The following PON3 variants were observed in gnomAD, a reference collection of about 807,000 sequenced individuals.
PON3 encodes the protein serum paraoxonase/lactonase 3.
In PON3, 37 loss-of-function variants were observed where a neutral mutation model predicts 36.3. The ratio of observed to expected loss-of-function variants is 1.02; its 90% CI spans 0.78 to 1.34. The LOEUF (loss-of-function observed/expected upper bound fraction) is 1.34, where lower values mean the gene tolerates loss of function less well. Among genes scored for constraint, PON3 ranks in the 40% most tolerant of loss-of-function variants. The probability of loss-of-function intolerance (pLI) is 0.00; values close to 1 mark genes in which losing one functional copy is unlikely to be tolerated. For missense variants in PON3, 415 were observed against 426.5 expected (o/e 0.97, Z 0.24); for synonymous variants, 155 against 154.8 (o/e 1.00, Z -0.01).
intron 2 of PON3, 114 bp downstream of exon 2, chr7:95,394,530 C>T: frequency 3.4e-6 from 3 of 874,074 alleles, no homozygotes; most frequent in Non-Finnish European, 5.7e-6. Context: ...GGGCAGATGT[C>T]CCACTGGGAG....
At position 95,387,424 on chromosome 7, in the gene PON3, G is replaced by A. The variant is rs186172465; in HGVS notation, c.201+2730C>T. On this transcript the variant is annotated intron_variant, in intron 3 of 8. Transcript: ENST00000265627. ...AAATACCTGGGAATCCAACTTACAA[G>A]GGATGTGAACGACCTCTTCAAGAAG... Among the ~76,000 whole-genome samples, 446 of 152,224 alleles carry A rather than the reference G, an allele frequency of 2.9e-3. 1 individual carries two copies. Among genetic ancestry groups the A allele is most frequent in the Non-Finnish European group, 4.2e-3 (289 of 68,016 alleles).
chr7:95,369,605 T>C (rs779632847), intron 4 of PON3, among the ~76,000 whole-genome samples: 2 of 152,086 alleles, frequency 1.3e-5, no homozygotes, highest in Non-Finnish European at 2.9e-5. Context: ...TGAAACCCTG[T>C]CTCTACTAAA....
At chr7:95,372,058 T>C in intron 4 of PON3, 115 bp downstream of exon 4, 1 of 1,247,758 alleles carries the variant, frequency 8.0e-7, no homozygotes, top group Non-Finnish European at 1.2e-6. Flanking sequence ...AAAAAACACA[T>C]CTGTATGGTA....
chr7:95,382,649 C>A (rs1809088135), intron 3 of PON3, among the ~76,000 whole-genome samples: 2 of 152,140 alleles, frequency 1.3e-5, no homozygotes, highest in African/African-American at 4.8e-5. Context: ...CAAGACTAAA[C>A]CAGGAAGAAC....
chr7:95,368,108 T>C (rs1445092197), intron 4 of PON3, among the ~76,000 whole-genome samples: 2 of 152,158 alleles, frequency 1.3e-5, no homozygotes, highest in African/African-American at 2.4e-5. Flanking sequence ...CACCTACCCA[T>C]TTCAATTGGA....
rs17883276 is a variant in PON3 at position 95,364,486 on chromosome 7, T to C, written c.495-423A>G. The C allele has an allele frequency of 2.0e-3, 525 of 259,696 alleles. 6 individuals are homozygous for C. Among genetic ancestry groups the C allele is most frequent in the African/African-American group, 0.011 (500 of 44,464 alleles). The allele number at this position is 259,696 out of a possible 1,614,324, so 16.1% of individuals were successfully genotyped here. A position where few individuals can be genotyped will look rare whatever the true frequency, so the allele number is the denominator to read the frequency against. ...ACTTGCTTTGGCCAATGAAATGAAA[T>C]GAAATGAGGTGAGTGGCTTGTGGAT... On this transcript the variant is annotated intron_variant, in intron 5 of 8. Coordinates refer to ENST00000265627, the MANE Select transcript of PON3 (RefSeq NM_000940.3).
chr7:95,377,823 G>C (rs558424434), intron 3 of PON3: 1 of 153,696 alleles, frequency 6.5e-6, no homozygotes, highest in African/African-American at 2.4e-5. Context: ...CAGAGAAGCT[G>C]AAAATTCCAA....
At chr7:95,394,007 C>A (rs535833716) in intron 2 of PON3, among the ~76,000 whole-genome samples, 12 of 152,248 alleles carry the variant, frequency 7.9e-5, no homozygotes, top group Admixed American at 3.3e-4. Flanking sequence ...AGTGATTCTC[C>A]TGCCTCAGCC....
intron 4 of PON3, among the ~76,000 whole-genome samples, chr7:95,368,740 A>T (rs930922507): frequency 6.6e-6 from 1 of 151,878 alleles, no homozygotes; most frequent in Admixed American, 6.6e-5. Context: ...TAATATACTC[A>T]ACTTATGGAA....
chr7:95,372,193 A>G lies in PON3; in HGVS notation c.347T>C (p.Ile116Thr). The G allele has an allele frequency of 6.2e-7, 1 of 1,613,678 alleles. No homozygotes were observed. Among genetic ancestry groups the G allele is most frequent in the Non-Finnish European group, 8.5e-7 (1 of 1,179,724 alleles). The change falls in exon 4 of 9, where the codon ATC becomes ACC. Residue 116 changes from isoleucine to threonine, a missense_variant. By Grantham distance (89) the Ile-to-Thr change is moderately conservative. Transcript: ENST00000265627. ...FDKELFNPHG[I>T]SIFIDKDNTV... ...TTTACCTTTGTCGATGAAAATACTG[A>G]TCCCATGTGGATTAAATAATTCTTT...
At chr7:95,389,151 C>T (rs961549825) in intron 3 of PON3, among the ~76,000 whole-genome samples, 1 of 151,976 alleles carries the variant, frequency 6.6e-6, no homozygotes, top group African/African-American at 2.4e-5. Flanking sequence ...TTTTCTAGAC[C>T]ATTTTGTTTT....
intron 4 of PON3, among the ~76,000 whole-genome samples, chr7:95,370,111 C>G (rs1352167198): frequency 1.3e-5 from 2 of 152,080 alleles, no homozygotes; most frequent in Non-Finnish European, 2.9e-5. Context: ...GGGGAAGCAC[C>G]CAGGAACCCA....
At chr7:95,393,045 A>G (rs1809353844) in intron 2 of PON3, among the ~76,000 whole-genome samples, 1 of 152,240 alleles carries the variant, frequency 6.6e-6, no homozygotes, top group Non-Finnish European at 1.5e-5. Context: ...TCTGCTTTCC[A>G]GCTGCTAGCA....
intron 2 of PON3, among the ~76,000 whole-genome samples, chr7:95,392,829 G>A (rs1809347211): frequency 6.6e-6 from 1 of 152,176 alleles, no homozygotes; most frequent in Non-Finnish European, 1.5e-5. Context: ...TACCTTAGCT[G>A]GAACACAGGG....
chr7:95,389,697 G>C (rs1809276803), intron 3 of PON3, among the ~76,000 whole-genome samples: 1 of 152,090 alleles, frequency 6.6e-6, no homozygotes. Flanking sequence ...AACGTGTTTA[G>C]AGTTTTAAAT....
intron 5 of PON3, chr7:95,365,005 C>T (rs187333563): frequency 1.1e-4 from 16 of 152,250 alleles, no homozygotes; most frequent in Admixed American, 5.2e-4. Flanking sequence ...GAAGTTTTGA[C>T]ATATAATGAC....
At chr7:95,386,218 AATAG>A (rs1303608338) in intron 3 of PON3, among the ~76,000 whole-genome samples, 2 of 152,196 alleles carry the variant, frequency 1.3e-5, no homozygotes, top group African/African-American at 2.4e-5. Context: ...AAATCAACAA[AATAG>A]ATAGACCACT....
chr7:95,375,961 A>G (rs1161878495), intron 3 of PON3, among the ~76,000 whole-genome samples: 4 of 152,238 alleles, frequency 2.6e-5, no homozygotes, highest in Admixed American at 2.0e-4. Flanking sequence ...ATCCATCACC[A>G]CATGAACTCA....
chr7:95,375,421 C>G (rs531787894), intron 3 of PON3, among the ~76,000 whole-genome samples: 1 of 151,490 alleles, frequency 6.6e-6, no homozygotes, highest in South Asian at 2.1e-4. Context: ...CATCTTATCT[C>G]ACATCTTCCC....
Sources: allele counts gnomAD v4.1 joint callset (sites outside exome capture counted in the v4.1 genomes callset), GRCh38; gene constraint gnomAD v4.1.1; transcripts MANE v1.5; gene names NCBI Gene and HGNC (gene_info 2026-07-23, HGNC 2026-07-21).